Variants in CACHD1 observed in about 807,000 individuals in gnomAD.
The protein encoded by CACHD1 is VWFA and cache domain-containing protein 1.
In CACHD1, 71 loss-of-function variants were observed where a neutral mutation model predicts 138.7. The observed-to-expected ratio is 0.51, with a 90% confidence interval of 0.42 to 0.62. The LOEUF (loss-of-function observed/expected upper bound fraction) is 0.62. Among genes scored for constraint, CACHD1 ranks in the 20% least tolerant of loss-of-function variants. The pLI, the probability that CACHD1 is intolerant of heterozygous loss-of-function variation, is 0.00. For missense variants in CACHD1, 1,389 were observed against 1,625.3 expected (o/e 0.85, Z 2.50); for synonymous variants, 578 against 591.5 (o/e 0.98, Z 0.33).
At chr1:64,632,467 C>T (rs1161237603) in intron 5 of CACHD1, 132 bp from the exon 6 acceptor site, 3 of 875,732 alleles carry the variant, frequency 3.4e-6, no homozygotes, top group Admixed American at 2.2e-5. Flanking sequence ...ATGTGGATTT[C>T]TCCATCCTTG....
rs894148479 is a variant in CACHD1 at position 64,650,529 on chromosome 1, A to G, written c.1391-1632A>G. 2.6e-5 allele frequency among the ~76,000 whole-genome samples: 4 copies of G among 152,232 alleles called. No individual in the cohort carries two copies. In the South Asian group the frequency reaches 8.3e-4, roughly 32 times the overall value. On this transcript the variant is annotated intron_variant, in intron 9 of 26. Transcript: ENST00000651257. ...CATTCTAAATGTGAACTGCTTAAAAAATGCTTTTGAGACCAAAATAGAGAC... is the reference window on the plus strand; with the variant it reads ...CATTCTAAATGTGAACTGCTTAAAAGATGCTTTTGAGACCAAAATAGAGAC...
intron 16 of CACHD1, among the ~76,000 whole-genome samples, chr1:64,669,061 C>G (rs541561846): frequency 1.1e-4 from 16 of 151,886 alleles, no homozygotes; most frequent in Non-Finnish European, 1.9e-4. Flanking sequence ...TAGAGCCTAT[C>G]TCAAATGATT....
intron 13 of CACHD1, among the ~76,000 whole-genome samples, chr1:64,661,001 T>A (rs574662370): frequency 8.0e-4 from 122 of 152,324 alleles, no homozygotes; most frequent in African/African-American, 2.6e-3. Context: ...TGACTTTCAC[T>A]GGGAGGTCTT....
chr1:64,527,098 A>G (rs962325380), intron 1 of CACHD1, among the ~76,000 whole-genome samples: 1 of 152,232 alleles, frequency 6.6e-6, no homozygotes, highest in Non-Finnish European at 1.5e-5. Flanking sequence ...TTTTAAGGGC[A>G]TCTGGTAAAA....
chr1:64,492,679 C>T (rs1030642872), intron 1 of CACHD1, among the ~76,000 whole-genome samples: 1 of 152,106 alleles, frequency 6.6e-6, no homozygotes, highest in Admixed American at 6.5e-5. Flanking sequence ...GTGTAAAAGA[C>T]AGCACCGCCA....
rs181573040 is a variant in CACHD1, at chr1:64,533,779, A to G, written c.199-16815A>G. On this transcript the variant is annotated intron_variant, in intron 1 of 26. Transcript: ENST00000651257. ...TTTTTTTTTTTTTTGTGAAGACGGA[A>G]TCTTGCTCTGTTGTCCAGGCTGGAG... Among the ~76,000 whole-genome samples the G allele has an allele frequency of 4.4e-4, 61 of 140,072 alleles. 1 individual carries two copies. The East Asian group carries it at 0.011, about 24-fold the overall frequency. 91.9% of individuals were successfully genotyped at this position (140,072 alleles called of 152,430 possible).
chr1:64,483,347 C>T (rs1452260311), intron 1 of CACHD1, among the ~76,000 whole-genome samples: 1 of 152,150 alleles, frequency 6.6e-6, no homozygotes, highest in Non-Finnish European at 1.5e-5. Context: ...ATTCATTTCA[C>T]AAATCTTTAT....
chr1:64,476,265 C>T (rs1449486678), intron 1 of CACHD1, among the ~76,000 whole-genome samples: 2 of 152,188 alleles, frequency 1.3e-5, no homozygotes, highest in East Asian at 3.9e-4. Flanking sequence ...CTTCATATGG[C>T]TCCCATGTCT....
intron 1 of CACHD1, among the ~76,000 whole-genome samples, chr1:64,498,853 A>G (rs992328878): frequency 6.6e-6 from 1 of 152,242 alleles, no homozygotes; most frequent in Non-Finnish European, 1.5e-5. Flanking sequence ...GACCAGAAAG[A>G]AAGTGCAATA....
intron 4 of CACHD1, among the ~76,000 whole-genome samples, chr1:64,606,906 T>C (rs1180072252): frequency 6.6e-6 from 1 of 152,114 alleles, no homozygotes; most frequent in Non-Finnish European, 1.5e-5. Flanking sequence ...AGGACAGAGT[T>C]GTCATTTATT....
chr1:64,562,451 C>T (rs1646848380), intron 2 of CACHD1, among the ~76,000 whole-genome samples: 1 of 145,418 alleles, frequency 6.9e-6, no homozygotes, highest in Non-Finnish European at 1.5e-5. Flanking sequence ...TGCTCTGCCA[C>T]CAGGCTGGAG....
At chr1:64,521,799 G>T (rs1646499812) in intron 1 of CACHD1, among the ~76,000 whole-genome samples, 1 of 152,112 alleles carries the variant, frequency 6.6e-6, no homozygotes, top group Non-Finnish European at 1.5e-5. Context: ...TGTCTATTCA[G>T]ATTCTTTGCC....
chr1:64,506,394 C>T (rs1331341777), intron 1 of CACHD1: 1 of 152,238 alleles, frequency 6.6e-6, no homozygotes, highest in African/African-American at 2.4e-5. Flanking sequence ...CAACCACACT[C>T]AACGACGGCC....
chr1:64,497,159 A>G (rs1646310909), intron 1 of CACHD1, among the ~76,000 whole-genome samples: 1 of 152,222 alleles, frequency 6.6e-6, no homozygotes, highest in Non-Finnish European at 1.5e-5. Context: ...GTAATTTTAT[A>G]GTGCCTCCAA....
chr1:64,658,837 A>T lies in CACHD1; in HGVS notation c.1915A>T (p.Ser639Cys), dbSNP rs1649348703. 6.3e-7 allele frequency: 1 copy of T among 1,583,926 alleles called. No homozygotes were observed. Among genetic ancestry groups the T allele is most frequent in the Admixed American group, 1.8e-5 (1 of 56,530 alleles). Residue 639 changes from serine to cysteine, a missense_variant, in exon 13 of 27, where the codon AGT becomes TGT. This residue lies in a region of CACHD1 where 1,000 missense variants were observed against 1,114.7 expected (regional missense o/e 0.90). Coordinates refer to ENST00000651257, the MANE Select transcript of CACHD1 (RefSeq NM_020925.4). ...CCGGCTGGATCTCCTTGGCCAGCCC[A>T]GTGCTTGCCTCCACTTCAAACAGCT... ...YHRLDLLGQPSACLHFKQLAT... is the reference protein window; with the variant it reads ...YHRLDLLGQPCACLHFKQLAT...
intron 1 of CACHD1, among the ~76,000 whole-genome samples, chr1:64,496,735 C>T (rs1646308156): frequency 2.0e-5 from 3 of 151,904 alleles, no homozygotes; most frequent in Non-Finnish European, 2.9e-5. Context: ...GAGCCAACCT[C>T]GGAAAGCTTT....
intron 12 of CACHD1, among the ~76,000 whole-genome samples, chr1:64,657,214 GA>G (rs1008923535): frequency 2.0e-5 from 3 of 151,910 alleles, no homozygotes; most frequent in African/African-American, 7.3e-5. Context: ...TATAATCAGT[GA>G]AAAAAACCCA....
intron 4 of CACHD1, among the ~76,000 whole-genome samples, chr1:64,606,133 A>ACACACACACACACACACG (rs1557516395): frequency 4.0e-5 from 6 of 151,532 alleles, no homozygotes; most frequent in African/African-American, 1.5e-4. Flanking sequence ...ACACACACGC[A>ACACACACACACACACACG]CACACACGCA....
intron 1 of CACHD1, among the ~76,000 whole-genome samples, chr1:64,537,290 G>A (rs1646640679): frequency 6.6e-6 from 1 of 151,888 alleles, no homozygotes. Context: ...TTTGTTGAGC[G>A]GTGCTAGATT....
Sources: allele counts gnomAD v4.1 joint callset (sites outside exome capture counted in the v4.1 genomes callset), GRCh38; gene constraint gnomAD v4.1.1; regional missense constraint gnomAD v4.1.1; transcripts MANE v1.5; gene names NCBI Gene and HGNC (gene_info 2026-07-23, HGNC 2026-07-21).